The following SV2B variants were observed in gnomAD, a reference collection of about 807,000 sequenced individuals.
SV2B encodes synaptic vesicle glycoprotein 2B, also known as solute carrier family 22 member B2.
A neutral mutation model predicts 73.9 loss-of-function variants in SV2B; 41 were observed. That is an observed-to-expected ratio of 0.56 (90% CI 0.43 to 0.72). SV2B has a LOEUF of 0.72. Among genes scored for constraint, SV2B ranks in the 30% least tolerant of loss-of-function variants. The pLI is 0.00. For synonymous variants in SV2B, 314 were observed against 314.2 expected, an observed-to-expected ratio of 1.00 and a Z score of 0.01; for missense variants, 764 against 857.8, an observed-to-expected ratio of 0.89 and a Z score of 1.37.
In SV2B at chr15:91,296,747, G is replaced by A. The variant is rs979529343; in HGVS notation, c.*4195G>A. 7.2e-6 allele frequency: 1 copy of A among 139,432 alleles called. No individual in the cohort carries two copies. The highest frequency in any genetic ancestry group is 1.5e-5 in the Non-Finnish European group (1 of 65,932). The allele number at this position is 139,432 out of a possible 1,614,324, so 8.6% of individuals were successfully genotyped here. On this transcript the variant is annotated 3_prime_UTR_variant, in exon 13 of 13. Transcript: ENST00000394232. ...TCCTTCTGCCCGATCATGGGCACAC[G>A]CTCCTTCTGCCCGATCGTTGGGAGC... is the stretch of plus-strand genomic sequence containing the variant.
intron 1 of SV2B, among the ~76,000 whole-genome samples, chr15:91,185,526 T>A (rs2044737584): frequency 6.6e-6 from 1 of 152,212 alleles, no homozygotes; most frequent in Non-Finnish European, 1.5e-5. Flanking sequence ...ATTAGAAGAT[T>A]GTATGTTTTC....
At chr15:91,266,776 C>T (rs2048119140) in intron 7 of SV2B, 84 bp downstream of exon 7, 3 of 1,151,650 alleles carry the variant, frequency 2.6e-6, no homozygotes, top group Non-Finnish European at 3.7e-6. Flanking sequence ...AGCTCCTGAA[C>T]ATCCCCACCA....
intron 9 of SV2B, among the ~76,000 whole-genome samples, chr15:91,273,325 G>A (rs1202134049): frequency 6.6e-6 from 1 of 152,164 alleles, no homozygotes; most frequent in African/African-American, 2.4e-5. Context: ...ACCTGTCTAA[G>A]CCTAGGATTC....
rs140088067 is a variant in SV2B at position 91,139,806 on chromosome 15, G to T, written c.-392+39443G>T. On this transcript the variant is annotated intron_variant, in intron 1 of 12. Transcript: ENST00000394232. The surrounding 1 kb of genome is among the most constrained non-coding windows in gnomAD (Gnocchi z 5.2). Reference sequence around the variant, plus strand: ...GGAGGTACTCAGATAATTAACAGGCGTCAGTTGGTTGTAAAAGACGTAAAC... The same window carrying T: ...GGAGGTACTCAGATAATTAACAGGCTTCAGTTGGTTGTAAAAGACGTAAAC... Among the ~76,000 whole-genome samples, 1 of 152,196 alleles carries T rather than the reference G, an allele frequency of 6.6e-6. No homozygotes were observed. Among genetic ancestry groups the T allele is most frequent in the East Asian group, 1.9e-4 (1 of 5,196 alleles).
At chr15:91,204,479 G>T (rs1298006943) in intron 1 of SV2B, among the ~76,000 whole-genome samples, 1 of 150,816 alleles carries the variant, frequency 6.6e-6, no homozygotes, top group Non-Finnish European at 1.5e-5. Flanking sequence ...GTTGATAATA[G>T]TAGGTAGTTT....
intron 6 of SV2B, among the ~76,000 whole-genome samples, chr15:91,262,753 A>C (rs2047955310): frequency 6.6e-6 from 1 of 152,154 alleles, no homozygotes; most frequent in Non-Finnish European, 1.5e-5. Context: ...AAATGCTCCA[A>C]ATGAAAGATG....
rs147315948 is a variant in SV2B at position 91,290,342 on chromosome 15, C to T, written c.1868+662C>T. Among the ~76,000 whole-genome samples, 41 of 152,186 alleles carry T rather than the reference C, an allele frequency of 2.7e-4. No homozygotes were observed. The highest frequency in any genetic ancestry group is 3.4e-3 in the Middle Eastern group (1 of 294). The stretch of plus-strand genomic sequence containing the variant: ...ACCTTAATGATATTTCCAAAATTGG[C>T]GACAGAGGTATTGGGATATAGATAA... On this transcript the variant is annotated intron_variant, in intron 12 of 12. Coordinates refer to ENST00000394232, the MANE Select transcript of SV2B (RefSeq NM_001323032.3). The surrounding 1 kb of genome is among the most constrained non-coding windows in gnomAD (Gnocchi z 4.7).
chr15:91,237,991 A>G (rs2046857431), intron 2 of SV2B, among the ~76,000 whole-genome samples: 2 of 152,200 alleles, frequency 1.3e-5, no homozygotes, highest in African/African-American at 4.8e-5. Context: ...ACCTTAAGGC[A>G]TGAGTGCTGG....
intron 1 of SV2B, among the ~76,000 whole-genome samples, chr15:91,192,049 G>C (rs1441962737): frequency 2.0e-5 from 3 of 151,976 alleles, no homozygotes; most frequent in African/African-American, 7.3e-5. Flanking sequence ...ACCTCATGCT[G>C]GTCTCTCTGT....
chr15:91,112,017 C>T (rs2042049150), intron 1 of SV2B, among the ~76,000 whole-genome samples: 3 of 151,822 alleles, frequency 2.0e-5, no homozygotes, highest in South Asian at 4.2e-4. Flanking sequence ...GCCCCACCTC[C>T]AACACTGAGG....
intron 10 of SV2B, among the ~76,000 whole-genome samples, chr15:91,282,427 T>G (rs1341289637): frequency 6.6e-6 from 1 of 152,240 alleles, no homozygotes; most frequent in Non-Finnish European, 1.5e-5. Context: ...TTCTTGTTAC[T>G]TTTACTACCC....
At chr15:91,219,054 C>A (rs909796802) in intron 1 of SV2B, among the ~76,000 whole-genome samples, 9 of 152,050 alleles carry the variant, frequency 5.9e-5, no homozygotes, top group African/African-American at 2.2e-4. Context: ...CTCAAGCCAT[C>A]CTCCCTGCCT....
Position 91,140,634 on chromosome 15 carries a change from A to T in SV2B, c.-392+40271A>T, listed in dbSNP as rs1359572718. ...TTGATCTCCTCCAACAGAGTGGAGAACATGTCTGACAGTCAGTTTTTCTTT... is the reference window on the plus strand; with the variant it reads ...TTGATCTCCTCCAACAGAGTGGAGATCATGTCTGACAGTCAGTTTTTCTTT... On this transcript the variant is annotated intron_variant, in intron 1 of 12. Transcript: ENST00000394232. This position sits in a 1 kb window ranked among gnomAD's most constrained non-coding sequence, Gnocchi z 4.4. 2.0e-5 allele frequency among the ~76,000 whole-genome samples: 3 copies of T among 152,178 alleles called. No individual in the cohort carries two copies. In the East Asian group the frequency reaches 5.8e-4, roughly 29 times the overall value.
chr15:91,156,647 C>T (rs1244737325), intron 1 of SV2B, among the ~76,000 whole-genome samples: 3 of 152,204 alleles, frequency 2.0e-5, no homozygotes, highest in Non-Finnish European at 4.4e-5. Flanking sequence ...CTTAAACATA[C>T]ATACAGGGTC....
chr15:91,159,471 T>G (rs147994446), intron 1 of SV2B, among the ~76,000 whole-genome samples: 1,528 of 152,240 alleles, frequency 0.01, 25 homozygotes, highest in African/African-American at 0.033. Context: ...ATTATATAGC[T>G]AAGCCACTAG....
rs1344436820 is a variant in SV2B, at chr15:91,268,676, G to A, written c.1373+71G>A. 1.0e-5 allele frequency: 16 copies of A among 1,541,452 alleles called. No homozygotes were observed. Among genetic ancestry groups the A allele is most frequent in the East Asian group, 4.6e-5 (2 of 43,632 alleles). ...TGGGGACTGTTATTGGGAGGGAGCC[G>A]GAGGGAAGATAAGAATCAAATATGG... is the stretch of plus-strand genomic sequence containing the variant. On this transcript the variant is annotated intron_variant, in intron 9 of 12. Transcript: ENST00000394232. The surrounding 1 kb of genome is among the most constrained non-coding windows in gnomAD (Gnocchi z 4.4).
chr15:91,228,417 A>G (rs949406214), intron 2 of SV2B, among the ~76,000 whole-genome samples: 1 of 152,222 alleles, frequency 6.6e-6, no homozygotes, highest in Non-Finnish European at 1.5e-5. Flanking sequence ...AACAACCAAC[A>G]AAAACCAAAG....
At chr15:91,184,901 G>A (rs1418765471) in intron 1 of SV2B, among the ~76,000 whole-genome samples, 1 of 152,184 alleles carries the variant, frequency 6.6e-6, no homozygotes, top group Non-Finnish European at 1.5e-5. Context: ...TGTATACCTA[G>A]TGTACTAATG....
Position 91,289,140 on chromosome 15 carries a change from G to A in SV2B, c.1709-381G>A, listed in dbSNP as rs1020128939. On this transcript the variant is annotated intron_variant, in intron 11 of 12. Transcript: ENST00000394232. The surrounding 1 kb of genome is among the most constrained non-coding windows in gnomAD (Gnocchi z 4.9). Reference sequence around the variant, plus strand: ...CATCCTGGTTTCAAATCAAGACTGAGGTTTTTGTTTTTGTTTTTTGGCCAA... The same window carrying A: ...CATCCTGGTTTCAAATCAAGACTGAAGTTTTTGTTTTTGTTTTTTGGCCAA... Among the ~76,000 whole-genome samples, 1 of 152,172 alleles carries A rather than the reference G, an allele frequency of 6.6e-6. No individual in the cohort carries two copies. Among genetic ancestry groups the A allele is most frequent in the African/African-American group, 2.4e-5 (1 of 41,448 alleles).
Sources: gnomAD v4.1 joint callset for allele counts (sites outside exome capture counted in the v4.1 genomes callset) on GRCh38, gnomAD v4.1.1 for gene constraint, Gnocchi (gnomAD v3.1) non-coding constraint, MANE v1.5 for transcripts, NCBI Gene and HGNC (gene_info 2026-07-23, HGNC 2026-07-21) for gene names.